NELFA: variants seen among roughly 807,000 people sequenced by gnomAD.
NELFA encodes negative elongation factor complex member A.
Under a neutral mutation model 51.8 loss-of-function variants are expected in NELFA, and 35 were observed. The observed-to-expected ratio is 0.68, with a 90% CI of 0.52 to 0.90. The LOEUF is 0.90. NELFA is among the 40% of genes least tolerant of loss of function. NELFA has a pLI of 0.00. For synonymous variants in NELFA, 417 were observed against 338.4 expected (o/e 1.23, Z -2.55); for missense variants, 658 against 746.4 (o/e 0.88, Z 1.38).
At chr4:1,992,573 C>A in intron 1 of NELFA, 1 of 292,438 alleles carries the variant, frequency 3.4e-6, no homozygotes, top group Non-Finnish European at 7.1e-6. Flanking sequence ...TGAACAACAG[C>A]GCCCTGCCCT....
chr4:1,992,992 G>T (rs1242181069), intron 1 of NELFA, among the ~76,000 whole-genome samples: 4 of 152,234 alleles, frequency 2.6e-5, no homozygotes, highest in Non-Finnish European at 5.9e-5. Flanking sequence ...CGCCCGAGCT[G>T]AGTGCGCGAT....
rs939876231 is a variant in NELFA, at chr4:1,989,456, T to A, written c.544+252A>T. Among the ~76,000 whole-genome samples the A allele has an allele frequency of 1.3e-5, 2 of 151,858 alleles. No homozygotes were observed. Among genetic ancestry groups the A allele is most frequent in the Admixed American group, 6.6e-5 (1 of 15,264 alleles). On this transcript the variant is annotated intron_variant, in intron 3 of 10. Coordinates refer to ENST00000382882, the MANE Select transcript of NELFA (RefSeq NM_005663.5). This position sits in a 1 kb window ranked among gnomAD's most constrained non-coding sequence, Gnocchi z 4.8. ...GATCCTCCTACCTCAGCCTTCCGAG[T>A]AGCTGGGAGCACAGGCACGCACCAC...
At chr4:1,996,170 C>G (rs1295752031) in intron 1 of NELFA, among the ~76,000 whole-genome samples, 1 of 152,118 alleles carries the variant, frequency 6.6e-6, no homozygotes, top group Non-Finnish European at 1.5e-5. Context: ...TTTCAAACGA[C>G]TAAAATAAAC....
chr4:1,983,752 C>A (rs1727981494), intron 9 of NELFA, 57 bp from the exon 10 acceptor site: 18 of 1,599,654 alleles, frequency 1.1e-5, no homozygotes, highest in Non-Finnish European at 1.5e-5. Context: ...CCTCCTGCAT[C>A]CCCCTGCAGG....
In NELFA at chr4:1,989,660, G is replaced by C. The variant is rs373412132; in HGVS notation, c.544+48C>G. ...GTACCTTAGAACCTAAGAAACCTATGACTGGAAACTACAAAGACAATGCCC... is the reference window on the plus strand; with the variant it reads ...GTACCTTAGAACCTAAGAAACCTATCACTGGAAACTACAAAGACAATGCCC... On this transcript the variant is annotated intron_variant, in intron 3 of 10. Transcript: ENST00000382882. The surrounding 1 kb of genome is among the most constrained non-coding windows in gnomAD (Gnocchi z 4.8). The C allele has an allele frequency of 1.3e-6, 2 of 1,579,370 alleles. No individual in the cohort carries two copies. Among genetic ancestry groups the C allele is most frequent in the South Asian group, 1.2e-5 (1 of 86,044 alleles).
chr4:1,990,501 G>A (rs1316530831), intron 2 of NELFA: 1 of 456,590 alleles, frequency 2.2e-6, no homozygotes, highest in Non-Finnish European at 4.4e-6. Flanking sequence ...ACACGAACGG[G>A]TGGGGTGGGG....
rs964578097 is a variant in NELFA at position 1,991,441 on chromosome 4, G to A, written c.382+103C>T. On this transcript the variant is annotated intron_variant, in intron 2 of 10. Coordinates refer to ENST00000382882, the MANE Select transcript of NELFA (RefSeq NM_005663.5). ...TAATATTCTAGGGACCAGGACACAC[G>A]GAAAAACGTAAAGGTCTAAAAATCA... 1.4e-4 allele frequency: 173 copies of A among 1,231,458 alleles called. 1 individual carries two copies. The highest frequency in any genetic ancestry group is 2.2e-4 in the Admixed American group (12 of 53,412). 76.3% of individuals were successfully genotyped at this position (1,231,458 alleles called of 1,614,324 possible).
rs571329553 is a variant in NELFA at position 1,992,815 on chromosome 4, G to A, written c.211-1100C>T. On this transcript the variant is annotated intron_variant, in intron 1 of 10. Coordinates refer to ENST00000382882, the MANE Select transcript of NELFA (RefSeq NM_005663.5). ...GCAGAGATCAGAGGTCGTGCCAGGG[G>A]AGCCTGCCTGCTGCCAAGCCCCTCT... Among the ~76,000 whole-genome samples, 258 of 152,284 alleles carry A rather than the reference G, an allele frequency of 1.7e-3. 1 individual carries two copies. Among genetic ancestry groups the A allele is most frequent in the Non-Finnish European group, 2.7e-3 (185 of 68,008 alleles).
rs968548273 is a variant in NELFA, at chr4:1,988,109, G to A, written c.545-102C>T. 59 of 952,078 alleles carry A rather than the reference G, an allele frequency of 6.2e-5. No individual in the cohort carries two copies. In the African/African-American group the frequency reaches 7.1e-4, roughly 11 times the overall value. 59.0% of individuals were successfully genotyped at this position (952,078 alleles called of 1,614,324 possible). A position where few individuals can be genotyped will look rare whatever the true frequency, so the allele number is the denominator to read the frequency against. ...GTGGATTCATCCGACGGCCTGAGCC[G>A]TGAACGCTGCATTCTCTCTAAATGA... On this transcript the variant is annotated intron_variant, in intron 3 of 10. Coordinates refer to ENST00000382882, the MANE Select transcript of NELFA (RefSeq NM_005663.5).
chr4:1,986,737 G>C (rs922731258), intron 4 of NELFA, among the ~76,000 whole-genome samples: 1 of 148,478 alleles, frequency 6.7e-6, no homozygotes, highest in Non-Finnish European at 1.5e-5. Context: ...GAAGCCAGGC[G>C]CCTGGGCTTG....
chr4:1,988,580 C>T (rs971109946), intron 3 of NELFA, among the ~76,000 whole-genome samples: 1 of 152,220 alleles, frequency 6.6e-6, no homozygotes, highest in Non-Finnish European at 1.5e-5. Context: ...CAGCGCTGGG[C>T]CCTGGCTGCT....
At chr4:1,999,870 C>A (rs11725126) in intron 1 of NELFA, among the ~76,000 whole-genome samples, 5 of 151,942 alleles carry the variant, frequency 3.3e-5, no homozygotes. Flanking sequence ...ACTCTAAAAT[C>A]GACCATGTAA....
At chr4:2,002,257 C>T (rs1304583183) in intron 1 of NELFA, among the ~76,000 whole-genome samples, 1 of 152,132 alleles carries the variant, frequency 6.6e-6, no homozygotes, top group Non-Finnish European at 1.5e-5. Context: ...GAAAAGCATT[C>T]CATCCTCGTG....
intron 2 of NELFA, among the ~76,000 whole-genome samples, chr4:1,991,139 C>T (rs1175190164): frequency 2.0e-5 from 3 of 152,214 alleles, no homozygotes; most frequent in Non-Finnish European, 4.4e-5. Flanking sequence ...CACATTTAAA[C>T]AACTAAATCG....
chr4:1,994,830 C>T (rs1728378779), intron 1 of NELFA, among the ~76,000 whole-genome samples: 1 of 137,964 alleles, frequency 7.2e-6, no homozygotes, highest in Admixed American at 7.6e-5. Flanking sequence ...GCCTGGGCAA[C>T]AGAGTGAGAC....
Position 1,984,924 on chromosome 4 carries a change from AAC to A in NELFA, c.925-7_925-6del, listed in dbSNP as rs775159664. ...ATTGTTCAGGGACCCAAGTTTCTGG[AAC>A]ACAGAGTTTAAGGTTCCTTCCAGAA... is the stretch of plus-strand genomic sequence containing the variant. On this transcript the variant is annotated splice_polypyrimidine_tract_variant and splice_region_variant and intron_variant, in intron 7 of 10. Transcript: ENST00000382882. The A allele has an allele frequency of 2.5e-5, 39 of 1,561,284 alleles. No individual in the cohort carries two copies. The highest frequency in any genetic ancestry group is 4.1e-5 in the African/African-American group (3 of 73,822).
intron 1 of NELFA, among the ~76,000 whole-genome samples, chr4:2,002,497 A>G (rs553421795): frequency 6.6e-6 from 1 of 152,342 alleles, no homozygotes; most frequent in Non-Finnish European, 1.5e-5. Flanking sequence ...ACAAGGCTAC[A>G]GTAACCAAAA....
In NELFA at chr4:1,986,372, G is replaced by C. The variant is rs1470008233; in HGVS notation, c.665C>G (p.Pro222Arg). The part of the protein sequence containing the change: ...TPLKGIPKQA[P>R]FRSPTAPSVF... ...GCTGGGCGCCGTGGGGCTTCTGAAG[G>C]GCGCCTGCTTCGGGATGCCTTTGAG... The change falls in exon 5 of 11, where the codon CCC (proline) becomes CGC (arginine). Residue 222 changes from proline to arginine, a missense_variant. Pro to Arg is a moderately radical substitution (Grantham distance 103). Coordinates refer to ENST00000382882, the MANE Select transcript of NELFA (RefSeq NM_005663.5). 1 of 1,610,738 alleles carries C rather than the reference G, an allele frequency of 6.2e-7. No homozygotes were observed. The highest frequency in any genetic ancestry group is 8.5e-7 in the Non-Finnish European group (1 of 1,178,900).
chr4:1,988,933 C>CTGAAGT, intron 3 of NELFA, among the ~76,000 whole-genome samples: 2 of 148,254 alleles, frequency 1.3e-5, no homozygotes, highest in South Asian at 4.3e-4. Context: ...ACCTAAAATT[C>CTGAAGT]TGAAGTTGGT....
Sources: allele counts gnomAD v4.1 joint callset (sites outside exome capture counted in the v4.1 genomes callset), GRCh38; gene constraint gnomAD v4.1.1; non-coding constraint Gnocchi (gnomAD v3.1); transcripts MANE v1.5; gene names NCBI Gene and HGNC (gene_info 2026-07-23, HGNC 2026-07-21).